Variants in ROBO2 observed in about 807,000 individuals in gnomAD.
The protein encoded by ROBO2 is roundabout homolog 2.
Under a neutral mutation model 160.8 loss-of-function variants are expected in ROBO2, and 53 were observed. The observed-to-expected ratio is 0.33, with a 90% confidence interval of 0.26 to 0.41. The LOEUF is 0.41. Among genes scored for constraint, ROBO2 ranks in the 10% least tolerant of loss-of-function variants. The pLI is 1.00. For synonymous variants in ROBO2, 664 were observed against 611.7 expected (o/e 1.09, Z -1.26); for missense variants, 1,577 against 1,722.4 (o/e 0.92, Z 1.49).
rs191873152 is a variant in ROBO2, at chr3:77,216,268, G to A, written c.388+117928G>A. 1.3e-4 allele frequency among the ~76,000 whole-genome samples: 20 copies of A among 152,222 alleles called. 1 individual carries two copies. In the East Asian group the frequency reaches 3.1e-3, roughly 24 times the overall value. Reference sequence around the variant, plus strand: ...CGCTTTGTTTACCTACTCAAGCCTCGGCAATGGCGGGCGCCCCTCCCCCAG... The same window carrying A: ...CGCTTTGTTTACCTACTCAAGCCTCAGCAATGGCGGGCGCCCCTCCCCCAG... On this transcript the variant is annotated intron_variant, in intron 2 of 25. Transcript: ENST00000461745.
chr3:76,832,827 C>T (rs757191122), intron 2 of ROBO2, among the ~76,000 whole-genome samples: 5 of 152,174 alleles, frequency 3.3e-5, no homozygotes, highest in Non-Finnish European at 7.4e-5. Flanking sequence ...TTTATAATTA[C>T]GTTATGGTTA....
At chr3:75,967,063 A>G (rs1949141379) in intron 2 of ROBO2, among the ~76,000 whole-genome samples, 1 of 151,722 alleles carries the variant, frequency 6.6e-6, no homozygotes, top group South Asian at 2.1e-4. Flanking sequence ...TGATGGGAGA[A>G]AAGTGAAGAA....
intron 23 of ROBO2, chr3:77,631,834 T>C (rs1193654832): frequency 6.6e-6 from 1 of 152,102 alleles, no homozygotes; most frequent in Non-Finnish European, 1.5e-5. Context: ...AGTTCTTAAA[T>C]AACTTAAAAG....
exon 6 of ROBO2, chr3:77,522,838 C>A: frequency 6.2e-7 from 1 of 1,609,696 alleles, no homozygotes; most frequent in Non-Finnish European, 8.5e-7. Flanking sequence ...ATGAAGGCAC[C>A]TATATGTGTA....
intron 2 of ROBO2, among the ~76,000 whole-genome samples, chr3:76,035,703 G>A (rs1205067416): frequency 1.3e-5 from 2 of 152,000 alleles, no homozygotes; most frequent in Non-Finnish European, 2.9e-5. Context: ...AGTATGTTTT[G>A]CAGAAATGTA....
intron 2 of ROBO2, among the ~76,000 whole-genome samples, chr3:77,105,634 T>A (rs1420960143): frequency 6.6e-6 from 1 of 152,180 alleles, no homozygotes; most frequent in Non-Finnish European, 1.5e-5. Flanking sequence ...GAATTTGTGA[T>A]CTATTTAAGT....
At chr3:77,558,940 G>T (rs1008621311) in intron 9 of ROBO2, among the ~76,000 whole-genome samples, 3 of 152,038 alleles carry the variant, frequency 2.0e-5, no homozygotes, top group Non-Finnish European at 4.4e-5. Context: ...GCTCCAGTTA[G>T]GTGTCATTTA....
chr3:77,571,343 T>C (rs2093632631), intron 13 of ROBO2, among the ~76,000 whole-genome samples: 1 of 152,088 alleles, frequency 6.6e-6, no homozygotes, highest in South Asian at 2.1e-4. Flanking sequence ...AGAATGCTGA[T>C]TTTAGGGCCA....
intron 2 of ROBO2, among the ~76,000 whole-genome samples, chr3:76,682,750 G>C (rs1276013984): frequency 6.6e-6 from 1 of 152,184 alleles, no homozygotes; most frequent in Non-Finnish European, 1.5e-5. Flanking sequence ...ATGTAAGCTT[G>C]AGTATCTTGC....
chr3:76,816,785 G>GCACT (rs2065703945), intron 2 of ROBO2, among the ~76,000 whole-genome samples: 1 of 151,902 alleles, frequency 6.6e-6, no homozygotes, highest in African/African-American at 2.4e-5. Context: ...GTTTATTGTG[G>GCACT]CACTATTCAC....
chr3:76,693,764 G>A (rs1321770306), intron 2 of ROBO2, among the ~76,000 whole-genome samples: 2 of 152,174 alleles, frequency 1.3e-5, no homozygotes, highest in African/African-American at 4.8e-5. Flanking sequence ...AGTTCTAGAT[G>A]TCTAAGGGCA....
At position 76,092,780 on chromosome 3, in the gene ROBO2, G is replaced by A. The variant is rs527346676; in HGVS notation, c.109+155178G>A. 5.3e-5 allele frequency among the ~76,000 whole-genome samples: 8 copies of A among 152,188 alleles called. No individual in the cohort carries two copies. In the South Asian group the frequency reaches 1.7e-3, roughly 32 times the overall value. ...TGTAATCTGTGAAGCTGTTTTCTAA[G>A]GACCTGATATGAAGATTTCTATGAC... On this transcript the variant is annotated intron_variant, in intron 2 of 26. Coordinates refer to the ROBO2 transcript ENST00000487694.
intron 2 of ROBO2, among the ~76,000 whole-genome samples, chr3:77,136,001 G>A (rs1229692148): frequency 6.6e-6 from 1 of 152,110 alleles, no homozygotes; most frequent in African/African-American, 2.4e-5. Context: ...TAAGATTATT[G>A]ACTGGGTATC....
chr3:76,358,043 A>C (rs2075282395), intron 2 of ROBO2, among the ~76,000 whole-genome samples: 1 of 151,848 alleles, frequency 6.6e-6, no homozygotes, highest in South Asian at 2.1e-4. Context: ...GGGGGACATA[A>C]AAAGTTATTT....
At chr3:77,103,402 C>G (rs964616222) in intron 2 of ROBO2, among the ~76,000 whole-genome samples, 3 of 89,908 alleles carry the variant, frequency 3.3e-5, no homozygotes, top group African/African-American at 7.7e-5. Flanking sequence ...CACATAGAAA[C>G]CAATCTTTTT....
chr3:76,195,991 C>A (rs1373681034), intron 2 of ROBO2, among the ~76,000 whole-genome samples: 4 of 152,002 alleles, frequency 2.6e-5, no homozygotes, highest in Non-Finnish European at 5.9e-5. Flanking sequence ...TCGCATAAAC[C>A]CACCCCAGCA....
intron 2 of ROBO2, among the ~76,000 whole-genome samples, chr3:77,315,656 A>G (rs544617342): frequency 6.6e-6 from 1 of 152,222 alleles, no homozygotes; most frequent in Non-Finnish European, 1.5e-5. Flanking sequence ...TTATAAATAT[A>G]TACCTCCAAT....
intron 2 of ROBO2, among the ~76,000 whole-genome samples, chr3:76,595,127 C>T (rs1053322245): frequency 6.6e-6 from 1 of 151,942 alleles, no homozygotes; most frequent in African/African-American, 2.4e-5. Flanking sequence ...TTTATGGGCA[C>T]ACTGATCTTG....
At chr3:76,689,658 T>C (rs915752240) in intron 2 of ROBO2, among the ~76,000 whole-genome samples, 1 of 152,196 alleles carries the variant, frequency 6.6e-6, no homozygotes, top group South Asian at 2.1e-4. Context: ...ATCATCTCTA[T>C]TGCAGTGTTC....
Sources: allele counts gnomAD v4.1 joint callset (sites outside exome capture counted in the v4.1 genomes callset), GRCh38; gene constraint gnomAD v4.1.1; transcripts MANE v1.5; gene names NCBI Gene and HGNC (gene_info 2026-07-23, HGNC 2026-07-21).